The following LVRN variants were observed in gnomAD, a reference collection of about 807,000 sequenced individuals.
LVRN encodes the protein laeverin.
In LVRN, 99 loss-of-function variants were observed where a neutral mutation model predicts 111.4. The ratio of observed to expected loss-of-function variants is 0.89; its 90% CI spans 0.76 to 1.05. The LOEUF is 1.05. LVRN is among the 50% of genes least tolerant of loss of function. LVRN has a pLI of 0.00. For synonymous variants in LVRN, 488 were observed against 449.5 expected (o/e 1.09, Z -1.08); for missense variants, 1,414 against 1,206.8 (o/e 1.17, Z -2.54).
At chr5:115,991,721 A>G (rs760769403) in intron 4 of LVRN, among the ~76,000 whole-genome samples, 5 of 152,204 alleles carry the variant, frequency 3.3e-5, no homozygotes, top group Non-Finnish European at 7.3e-5. Flanking sequence ...GTGTGGTAAT[A>G]TCTCATTGTT....
chr5:115,989,832 G>T (rs546379291), intron 4 of LVRN, among the ~76,000 whole-genome samples: 2 of 152,148 alleles, frequency 1.3e-5, no homozygotes, highest in East Asian at 1.9e-4. Flanking sequence ...AAGATAAAGA[G>T]TTCCTCTATT....
rs1346179838 is a variant in LVRN, at chr5:116,026,235, A to G, written c.*117A>G. 1 of 1,427,032 alleles carries G rather than the reference A, an allele frequency of 7.0e-7. No individual in the cohort carries two copies. The highest frequency in any genetic ancestry group is 2.1e-4 in the Middle Eastern group (1 of 4,856). 88.4% of individuals were successfully genotyped at this position (1,427,032 alleles called of 1,614,324 possible). On this transcript the variant is annotated 3_prime_UTR_variant, in exon 20 of 20. Transcript: ENST00000357872. ...CACATTTTATTTGTATTTCAGTCAC[A>G]TTTATTACTCAGAGTGCCATTCTTC...
intron 9 of LVRN, 21 bp downstream of exon 9, chr5:116,000,679 C>T (rs1244970611): frequency 6.8e-6 from 11 of 1,610,486 alleles, no homozygotes; most frequent in Admixed American, 1.7e-5. Flanking sequence ...TACTTTCTGA[C>T]ACATTCTTGC....
intron 15 of LVRN, 80 bp from the exon 16 acceptor site, chr5:116,014,340 T>C (rs759756547): frequency 9.9e-7 from 1 of 1,006,992 alleles, no homozygotes; most frequent in Non-Finnish European, 1.5e-6. Context: ...CATCTTTTTA[T>C]GAAACACATA....
At position 116,015,557 on chromosome 5, in the gene LVRN, AT is replaced by A. The variant is rs141537175; in HGVS notation, c.2619-67del. 1,082 of 1,525,338 alleles carry A rather than the reference AT, an allele frequency of 7.1e-4. 26 individuals are homozygous for A. The East Asian group carries it at 0.025, about 35-fold the overall frequency. 94.5% of individuals were successfully genotyped at this position (1,525,338 alleles called of 1,614,324 possible). The stretch of plus-strand genomic sequence containing the variant: ...ACTACCTTAGAACCATGGGATTTTG[AT>A]TTTGTTTATTTAAATTAACTCTTTA... On this transcript the variant is annotated intron_variant, in intron 17 of 19. Coordinates refer to ENST00000357872, the MANE Select transcript of LVRN (RefSeq NM_173800.5).
chr5:115,978,248 G>A (rs370389374), intron 1 of LVRN, among the ~76,000 whole-genome samples: 18 of 152,266 alleles, frequency 1.2e-4, no homozygotes, highest in East Asian at 7.7e-4. Context: ...TGTCACAGAG[G>A]AAAATGTCAT....
Position 116,002,876 on chromosome 5 carries a change from C to G in LVRN, c.1862C>G (p.Thr621Ser), listed in dbSNP as rs1335509253. The G allele has an allele frequency of 6.2e-7, 1 of 1,610,960 alleles. No homozygotes were observed. The highest frequency in any genetic ancestry group is 1.1e-5 in the South Asian group (1 of 90,752). The change falls in exon 11 of 20, where the codon ACT becomes AGT. Residue 621 changes from threonine (T) to serine (S), a missense_variant. Coordinates refer to ENST00000357872, the MANE Select transcript of LVRN (RefSeq NM_173800.5). ...IVPILWIKNG[T>S]TQPLVWLDQS... ...CCTATTCTTTGGATAAAAAATGGAACTACACAACCTTTAGTCTGGCTAGAT... is the reference window on the plus strand; with the variant it reads ...CCTATTCTTTGGATAAAAAATGGAAGTACACAACCTTTAGTCTGGCTAGAT...
At chr5:116,004,385 C>G (rs1323878588) in intron 12 of LVRN, among the ~76,000 whole-genome samples, 1 of 152,152 alleles carries the variant, frequency 6.6e-6, no homozygotes, top group Non-Finnish European at 1.5e-5. Context: ...TTGCTGTGAG[C>G]CCGTGGGTGG....
intron 18 of LVRN, among the ~76,000 whole-genome samples, chr5:116,021,961 G>T (rs61626272): frequency 0.053 from 8,108 of 152,138 alleles, 604 homozygotes; most frequent in African/African-American, 0.17. Flanking sequence ...CAAAAAGCAC[G>T]CATAAATACA....
chr5:116,015,288 T>G lies in LVRN; in HGVS notation c.2487T>G (p.Tyr829Ter). ...CAATTAAAGATGTGGTTTTATGTTA[T>G]GGCATTGCCTTGGGAAGTGATAAAG... ...PYPIKDVVLC[Y>*]GIALGSDKEW... The change falls in exon 17 of 20, where the codon TAT becomes TAG. Residue 829 changes from tyrosine to a stop codon, truncating the protein, a stop_gained. Coordinates refer to ENST00000357872, the MANE Select transcript of LVRN (RefSeq NM_173800.5). LOFTEE classifies it high-confidence loss of function. 1 of 1,608,728 alleles carries G rather than the reference T, an allele frequency of 6.2e-7. No individual in the cohort carries two copies. Among genetic ancestry groups the G allele is most frequent in the South Asian group, 1.1e-5 (1 of 89,758 alleles).
At chr5:116,009,292 C>T (rs567423667) in intron 13 of LVRN, among the ~76,000 whole-genome samples, 1 of 152,298 alleles carries the variant, frequency 6.6e-6, no homozygotes, top group Admixed American at 6.5e-5. Flanking sequence ...CAAAATATTA[C>T]TGCTCATTGA....
At chr5:116,012,838 C>T (rs1480239832) in intron 15 of LVRN, among the ~76,000 whole-genome samples, 1 of 152,162 alleles carries the variant, frequency 6.6e-6, no homozygotes, top group Non-Finnish European at 1.5e-5. Flanking sequence ...AAGGTCCCAT[C>T]TGTATTTTAT....
chr5:116,005,876 A>T (rs1748358496), intron 12 of LVRN, 36 bp from the exon 13 acceptor site: 2 of 1,556,434 alleles, frequency 1.3e-6, no homozygotes, highest in Non-Finnish European at 1.8e-6. Flanking sequence ...AAATGTTCTC[A>T]TCTTCTTCTG....
Position 116,001,074 on chromosome 5 carries a change from A to G in LVRN, c.1655A>G (p.Asp552Gly). ...GGTGATTTTTTAAAACAGGCCATAG[A>G]TGACCAGAGTACAGTTATTTTGCCA... ...DLWRHFQMAI[D>G]DQSTVILPAT... Residue 552 changes from aspartate to glycine, a missense_variant, in exon 10 of 20, where the codon GAT becomes GGT. Transcript: ENST00000357872. 6.2e-7 allele frequency: 1 copy of G among 1,601,864 alleles called. No individual in the cohort carries two copies. The highest frequency in any genetic ancestry group is 8.5e-7 in the Non-Finnish European group (1 of 1,176,790).
At chr5:115,976,932 C>G (rs1397867117) in intron 1 of LVRN, among the ~76,000 whole-genome samples, 3 of 152,116 alleles carry the variant, frequency 2.0e-5, no homozygotes, top group Non-Finnish European at 4.4e-5. Context: ...GAAGCCTTTA[C>G]TCTAGGGCTA....
intron 4 of LVRN, among the ~76,000 whole-genome samples, chr5:115,990,436 C>G (rs1343179276): frequency 6.6e-6 from 1 of 152,058 alleles, no homozygotes; most frequent in Admixed American, 6.5e-5. Flanking sequence ...GGCTTTTTCT[C>G]TGTTTTGTCA....
At chr5:115,995,937 A>G (rs1255570253) in intron 6 of LVRN, among the ~76,000 whole-genome samples, 1 of 124,802 alleles carries the variant, frequency 8.0e-6, no homozygotes, top group Non-Finnish European at 1.7e-5. Flanking sequence ...CTTATCCTCA[A>G]GAAGCTAATC....
rs1164877235 is a variant in LVRN, at chr5:116,014,585, C to T, written c.2450+58C>T. On this transcript the variant is annotated intron_variant, in intron 16 of 19. Transcript: ENST00000357872. ...GTCCTATTTTAGCACCAGCAATTTCCCTTTTTGATGTACTCACTGTGGGAA... is the reference window on the plus strand; with the variant it reads ...GTCCTATTTTAGCACCAGCAATTTCTCTTTTTGATGTACTCACTGTGGGAA... The T allele has an allele frequency of 3.3e-5, 45 of 1,381,844 alleles. No homozygotes were observed. The East Asian group carries it at 7.7e-4, about 24-fold the overall frequency. 85.6% of individuals were successfully genotyped at this position (1,381,844 alleles called of 1,614,324 possible). A position where few individuals can be genotyped will look rare whatever the true frequency, so the allele number is the denominator to read the frequency against.
In LVRN at chr5:116,001,240, G is replaced by A. The variant is rs1350114955; in HGVS notation, c.1820+1G>A. 1.2e-6 allele frequency: 2 copies of A among 1,612,654 alleles called. No individual in the cohort carries two copies. Among genetic ancestry groups the A allele is most frequent in the Admixed American group, 1.7e-5 (1 of 59,590 alleles). ...AAAATCGGACTCTTCTAACCAGCAAGTAGGTAGCTTTGCTCCTCTTTGTCT... is the reference window on the plus strand; with the variant it reads ...AAAATCGGACTCTTCTAACCAGCAAATAGGTAGCTTTGCTCCTCTTTGTCT... On this transcript the variant is annotated splice_donor_variant, in intron 10 of 19. Coordinates refer to ENST00000357872, the MANE Select transcript of LVRN (RefSeq NM_173800.5). LOFTEE classifies it high-confidence loss of function.
Sources: gnomAD v4.1 joint callset for allele counts (sites outside exome capture counted in the v4.1 genomes callset) on GRCh38, gnomAD v4.1.1 for gene constraint, MANE v1.5 for transcripts, NCBI Gene and HGNC (gene_info 2026-07-23, HGNC 2026-07-21) for gene names.